ARHGEF16: variants seen among roughly 807,000 people sequenced by gnomAD.
ARHGEF16 encodes Rho guanine nucleotide exchange factor 16.
A neutral mutation model predicts 74.1 loss-of-function variants in ARHGEF16; 59 were observed. The observed-to-expected ratio is 0.80, with a 90% CI of 0.65 to 0.99. The LOEUF (loss-of-function observed/expected upper bound fraction) is 0.99. Among genes scored for constraint, ARHGEF16 ranks in the 50% least tolerant of loss-of-function variants. The pLI, the probability that ARHGEF16 is intolerant of heterozygous loss-of-function variation, is 0.00. For synonymous variants in ARHGEF16, 415 were observed against 412.6 expected (o/e 1.01, Z -0.07); for missense variants, 948 against 986.6 (o/e 0.96, Z 0.52).
In ARHGEF16 at chr1:3,478,571, C is replaced by T. The variant is rs768387686; in HGVS notation, c.1773C>T (p.Ser591=). The change falls in exon 12 of 15, where the codon AGC becomes AGT. Residue 591 remains serine (S), a synonymous_variant. Transcript: ENST00000378378. ...HPFQVTLLRN[S]EGRQEQLLLS... ...TCCAGGTGACCCTGCTTCGCAACAG[C>T]GAGGGCCGCCAGGAGCAGCTCCTGC... 1.2e-5 allele frequency: 19 copies of T among 1,612,238 alleles called. No homozygotes were observed. Among genetic ancestry groups the T allele is most frequent in the Admixed American group, 3.3e-5 (2 of 59,978 alleles).
chr1:3,469,003 A>T, intron 5 of ARHGEF16, 67 bp downstream of exon 5: 1 of 1,533,310 alleles, frequency 6.5e-7, no homozygotes, highest in Non-Finnish European at 8.8e-7. Context: ...GGGGAGGGGC[A>T]GCAGCCACGG....
At chr1:3,468,677 G>A in intron 4 of ARHGEF16, 1 of 613,622 alleles carries the variant, frequency 1.6e-6, no homozygotes. Context: ...GCGGGGGGCT[G>A]ACCCAAGGCG....
intron 6 of ARHGEF16, among the ~76,000 whole-genome samples, chr1:3,472,322 C>T (rs1293717214): frequency 1.3e-5 from 2 of 152,256 alleles, no homozygotes; most frequent in Non-Finnish European, 2.9e-5. Flanking sequence ...CAGCCCTGGC[C>T]TAGCTCTGAC....
chr1:3,476,680 T>G (rs1639885499), intron 10 of ARHGEF16, among the ~76,000 whole-genome samples: 1 of 152,068 alleles, frequency 6.6e-6, no homozygotes, highest in African/African-American at 2.4e-5. Context: ...GCCCCTCCCC[T>G]AAGGCGGGCC....
rs754930018 is a variant in ARHGEF16, at chr1:3,473,364, C to T, written c.1176-29C>T. 13 of 1,586,078 alleles carry T rather than the reference C, an allele frequency of 8.2e-6. No individual in the cohort carries two copies. The Admixed American group carries it at 2.2e-4, about 27-fold the overall frequency. ...TTTGGTACAGGCTGGCCATGCAGAG[C>T]CTGGAAGGACAGCCTTGTCCTCTTG... On this transcript the variant is annotated intron_variant, in intron 7 of 14. Coordinates refer to ENST00000378378, the MANE Select transcript of ARHGEF16 (RefSeq NM_014448.4).
chr1:3,470,007 G>A (rs972374069), intron 6 of ARHGEF16, among the ~76,000 whole-genome samples: 4 of 152,236 alleles, frequency 2.6e-5, no homozygotes, highest in Non-Finnish European at 2.9e-5. Flanking sequence ...AAGGTGTCTG[G>A]TGGCTGGACC....
In ARHGEF16 at chr1:3,469,001, G is replaced by A. The variant is rs981639183; in HGVS notation, c.861+65G>A. On this transcript the variant is annotated intron_variant, in intron 5 of 14. Transcript: ENST00000378378. ...TGGGCCATGCAACACCCGGGGAGGG[G>A]CAGCAGCCACGGTGGCACCACCCAG... 5.9e-6 allele frequency: 9 copies of A among 1,536,610 alleles called. No individual in the cohort carries two copies. In the Admixed American group the frequency reaches 7.8e-5, roughly 13 times the overall value.
intron 1 of ARHGEF16, among the ~76,000 whole-genome samples, chr1:3,458,969 G>A (rs1038570940): frequency 1.1e-4 from 16 of 152,180 alleles, no homozygotes; most frequent in Non-Finnish European, 4.4e-5. Flanking sequence ...AAGTAGGGGA[G>A]GAAAGGTAAG....
chr1:3,467,185 G>A lies in ARHGEF16; in HGVS notation c.652G>A (p.Glu218Lys). 6.4e-7 allele frequency: 1 copy of A among 1,550,530 alleles called. No individual in the cohort carries two copies. Reference protein sequence around the residue: ...SFKDDPQLYQEIQERGLNTSQ... With the variant: ...SFKDDPQLYQKIQERGLNTSQ... ...CTCTCTAGACCCCCAGCTCTACCAGGAGATCCAGGAGCGGGGCCTGAACAC... is the reference window on the plus strand; with the variant it reads ...CTCTCTAGACCCCCAGCTCTACCAGAAGATCCAGGAGCGGGGCCTGAACAC... The change falls in exon 4 of 15, where the codon GAG becomes AAG. Residue 218 changes from glutamate to lysine, a missense_variant. By Grantham distance (56) the Glu-to-Lys change is moderately conservative. Coordinates refer to ENST00000378378, the MANE Select transcript of ARHGEF16 (RefSeq NM_014448.4).
intron 2 of ARHGEF16, among the ~76,000 whole-genome samples, chr1:3,465,355 G>A (rs1376096831): frequency 2.0e-5 from 3 of 152,186 alleles, no homozygotes; most frequent in East Asian, 1.9e-4. Context: ...GTAGGGTCCC[G>A]GAGGAAGGAG....
intron 6 of ARHGEF16, 75 bp downstream of exon 6, chr1:3,469,668 C>A: frequency 6.4e-7 from 1 of 1,569,706 alleles, no homozygotes; most frequent in Non-Finnish European, 8.7e-7. Flanking sequence ...ACCGCACTGT[C>A]ATCAGCAGGC....
chr1:3,463,350 T>A lies in ARHGEF16; in HGVS notation c.266T>A (p.Ile89Asn), dbSNP rs1557687732. The change falls in exon 2 of 15, where the codon ATC (isoleucine) becomes AAC (asparagine). Residue 89 changes from isoleucine (I) to asparagine (N), a missense_variant. By Grantham distance (149) the Ile-to-Asn change is moderately radical. Transcript: ENST00000378378. ...AALKLGTQQL[I>N]PKSLAVASKA... ...CTCAAGCTGGGCACCCAACAGCTGATCCCTAAGAGCCTGGCTGTGGCCAGC... is the reference window on the plus strand; with the variant it reads ...CTCAAGCTGGGCACCCAACAGCTGAACCCTAAGAGCCTGGCTGTGGCCAGC... 2.6e-6 allele frequency: 4 copies of A among 1,550,096 alleles called. No individual in the cohort carries two copies. Among genetic ancestry groups the A allele is most frequent in the Non-Finnish European group, 3.5e-6 (4 of 1,146,874 alleles).
chr1:3,458,787 C>A (rs752207907), intron 1 of ARHGEF16, among the ~76,000 whole-genome samples: 4 of 152,166 alleles, frequency 2.6e-5, no homozygotes, highest in Admixed American at 6.5e-5. Flanking sequence ...GAAAGAAACT[C>A]GCTCCAAAGA....
chr1:3,457,330 C>T lies in ARHGEF16; in HGVS notation c.-20+2519C>T, dbSNP rs538303472. Among the ~76,000 whole-genome samples the T allele has an allele frequency of 3.9e-5, 6 of 152,322 alleles. No homozygotes were observed. The South Asian group carries it at 8.3e-4, about 21-fold the overall frequency. On this transcript the variant is annotated intron_variant, in intron 1 of 14. Coordinates refer to ENST00000378378, the MANE Select transcript of ARHGEF16 (RefSeq NM_014448.4). ...CCCCACTGGGCCGAGTGGGGTCAGC[C>T]GGACCTAGAGGCCAGGGTAGGAGGG...
rs372641115 is a variant in ARHGEF16 at position 3,480,575 on chromosome 1, G to C, written c.2118G>C (p.Glu706Asp). The C allele has an allele frequency of 1.9e-6, 3 of 1,607,812 alleles. No individual in the cohort carries two copies. In the African/African-American group the frequency reaches 4.0e-5, roughly 21 times the overall value. Residue 706 changes from glutamate to aspartate, a missense_variant, in exon 15 of 15, where the codon GAG (glutamate) becomes GAC (aspartate). Transcript: ENST00000378378. ...GCAGGATGGAGCGTCTGCGGGTGGA[G>C]ACGGACGTGTAGCCCTGGCGAGGCC... Reference protein sequence around the residue: ...NVRRMERLRVETDV With the variant: ...NVRRMERLRVDTDV
rs1292706422 is a variant in ARHGEF16 at position 3,478,468 on chromosome 1, T to C, written c.1670T>C (p.Ile557Thr). The part of the protein sequence containing the change: ...MVQDYAQMNH[I>T]QVEKIEPSEL... ...CAGGACTACGCCCAGATGAACCACA[T>C]CCAGGTGGAGAAGATAGAGCCGTCT... Residue 557 changes from isoleucine (I) to threonine (T), a missense_variant, in exon 12 of 15, where the codon ATC becomes ACC. Transcript: ENST00000378378. 2 of 1,612,222 alleles carry C rather than the reference T, an allele frequency of 1.2e-6. No homozygotes were observed. The highest frequency in any genetic ancestry group is 1.7e-6 in the Non-Finnish European group (2 of 1,179,670).
chr1:3,473,600 A>G (rs1455474017), intron 8 of ARHGEF16, 78 bp downstream of exon 8: 1 of 1,586,104 alleles, frequency 6.3e-7, no homozygotes, highest in Non-Finnish European at 8.6e-7. Flanking sequence ...CGGATGGAGC[A>G]TTACGTGCTT....
At chr1:3,477,673 C>T (rs1161541704) in intron 10 of ARHGEF16, among the ~76,000 whole-genome samples, 1 of 151,912 alleles carries the variant, frequency 6.6e-6, no homozygotes, top group Non-Finnish European at 1.5e-5. Context: ...CCTGGCGCAC[C>T]TCGATTTGAG....
At chr1:3,454,987 G>T (rs1223063910) in intron 1 of ARHGEF16, among the ~76,000 whole-genome samples, 176 bp downstream of exon 1, 1 of 151,992 alleles carries the variant, frequency 6.6e-6, no homozygotes, top group Admixed American at 6.5e-5. Flanking sequence ...CTGGGGCTCC[G>T]CCGGGGCGGG....
Sources: allele counts gnomAD v4.1 joint callset (sites outside exome capture counted in the v4.1 genomes callset), GRCh38; gene constraint gnomAD v4.1.1; transcripts MANE v1.5; gene names NCBI Gene and HGNC (gene_info 2026-07-23, HGNC 2026-07-21).